The following NALF1 variants were observed in gnomAD, a reference collection of about 807,000 sequenced individuals.
NALF1 encodes family with sequence similarity 155 member A.
In NALF1, 3 loss-of-function variants were observed where a neutral mutation model predicts 48.4. The ratio of observed to expected loss-of-function variants is 0.06; its 90% CI spans 0.03 to 0.16. The LOEUF (loss-of-function observed/expected upper bound fraction) is 0.16, where lower values mean the gene tolerates loss of function less well. NALF1 is among the 10% of genes least tolerant of loss of function. The probability of loss-of-function intolerance (pLI) is 1.00; values close to 1 mark genes in which losing one functional copy is unlikely to be tolerated. For missense variants in NALF1, 526 were observed against 571.5 expected (o/e 0.92, Z 0.81); for synonymous variants, 262 against 245.7 (o/e 1.07, Z -0.62).
Position 107,282,695 on chromosome 13 carries a change from G to A in NALF1, c.916-71940C>T, listed in dbSNP as rs72666547. On this transcript the variant is annotated intron_variant, in intron 1 of 2. Coordinates refer to ENST00000375915, the MANE Select transcript of NALF1 (RefSeq NM_001080396.3). Reference sequence around the variant, plus strand: ...GGAGGCCCCTGTGATGAGGTCCTGCGGCCTCTTGCCAACAGCCAGCACTAA... The same window carrying A: ...GGAGGCCCCTGTGATGAGGTCCTGCAGCCTCTTGCCAACAGCCAGCACTAA... 7.5e-3 allele frequency among the ~76,000 whole-genome samples: 1,136 copies of A among 152,250 alleles called. 4 individuals are homozygous for A. Among genetic ancestry groups the A allele is most frequent in the Non-Finnish European group, 0.011 (765 of 68,026 alleles).
At chr13:107,292,992 C>CTTTTTCTTTTTTTTTTTTTTTTT (rs745529749) in intron 1 of NALF1, among the ~76,000 whole-genome samples, 5 of 110,674 alleles carry the variant, frequency 4.5e-5, no homozygotes, top group South Asian at 3.1e-4. Flanking sequence ...TTTTCTTTTT[C>CTTTTTCTTTTTTTTTTTTTTTTT]TTTTTTTTTT....
intron 1 of NALF1, among the ~76,000 whole-genome samples, chr13:107,298,351 CAAAAAAAAA>C (rs1192707023): frequency 1.1e-3 from 19 of 16,622 alleles, no homozygotes; most frequent in East Asian, 3.5e-3. Flanking sequence ...GACTCCATCT[CAAAAAAAAA>C]AAAAAAAAAA....
intron 1 of NALF1, among the ~76,000 whole-genome samples, chr13:107,451,098 A>T (rs957991670): frequency 7.9e-5 from 12 of 152,208 alleles, no homozygotes; most frequent in Admixed American, 6.5e-5. Flanking sequence ...ACTGTGCTCC[A>T]CTGAGTCGAC....
intron 1 of NALF1, among the ~76,000 whole-genome samples, chr13:107,212,110 C>T (rs538435450): frequency 6.6e-6 from 1 of 152,214 alleles, no homozygotes; most frequent in Non-Finnish European, 1.5e-5. Context: ...ATCAGCATGG[C>T]CTTCCATGCC....
At chr13:107,478,109 G>A (rs1452089906) in intron 1 of NALF1, among the ~76,000 whole-genome samples, 1 of 152,104 alleles carries the variant, frequency 6.6e-6, no homozygotes, top group Non-Finnish European at 1.5e-5. Flanking sequence ...GGTTTAGTCT[G>A]TCTAACTCTT....
rs753221514 is a variant in NALF1, at chr13:107,865,733, T to C, written c.864A>G (p.Lys288=). The change falls in exon 1 of 3, where the codon AAA becomes AAG. Residue 288 remains lysine, a synonymous_variant. Transcript: ENST00000375915. The stretch of plus-strand genomic sequence containing the variant: ...CCGAGTACTCCTCCGACTGTAAATA[T>C]TTGTGGAGCACGCTTTCAAACTCTT... ...KYEEFESVLH[K]YLQSEEYSVK... 9 of 1,614,014 alleles carry C rather than the reference T, an allele frequency of 5.6e-6. No homozygotes were observed. In the South Asian group the frequency reaches 9.9e-5, roughly 18 times the overall value.
intron 1 of NALF1, among the ~76,000 whole-genome samples, chr13:107,767,534 AC>A (rs1877449153): frequency 6.6e-6 from 1 of 152,224 alleles, no homozygotes; most frequent in Non-Finnish European, 1.5e-5. Flanking sequence ...AAATTAGAAG[AC>A]GACTGTATAC....
chr13:107,306,585 C>T (rs934122382), intron 1 of NALF1, among the ~76,000 whole-genome samples: 41 of 152,146 alleles, frequency 2.7e-4, no homozygotes, highest in African/African-American at 9.9e-4. Context: ...AAATGAACGA[C>T]ATTTTATTTT....
chr13:107,233,733 G>C (rs977030538), intron 1 of NALF1, among the ~76,000 whole-genome samples: 4 of 152,278 alleles, frequency 2.6e-5, no homozygotes, highest in African/African-American at 9.6e-5. Flanking sequence ...AATCAATACT[G>C]TACTAGCTAA....
intron 1 of NALF1, among the ~76,000 whole-genome samples, chr13:107,818,189 G>A (rs9559165): frequency 0.14 from 21,251 of 152,172 alleles, 2,064 homozygotes; most frequent in African/African-American, 0.26. Flanking sequence ...GGAACATCTT[G>A]AGGAGAGGTA....
chr13:107,370,875 G>C (rs974766826), intron 1 of NALF1, among the ~76,000 whole-genome samples: 2 of 152,116 alleles, frequency 1.3e-5, no homozygotes, highest in Admixed American at 6.6e-5. Context: ...GTGAAGTGGT[G>C]GGGGAAGCCC....
At chr13:107,560,151 G>A (rs148057172) in intron 1 of NALF1, among the ~76,000 whole-genome samples, 6 of 152,282 alleles carry the variant, frequency 3.9e-5, no homozygotes, top group Admixed American at 6.5e-5. Flanking sequence ...TGAAACGCCC[G>A]TAGAATTTTC....
At chr13:107,471,839 G>A (rs1418177243) in intron 1 of NALF1, among the ~76,000 whole-genome samples, 2 of 152,132 alleles carry the variant, frequency 1.3e-5, no homozygotes, top group Non-Finnish European at 2.9e-5. Flanking sequence ...TATGCATTAT[G>A]ACATCTCATC....
At chr13:107,425,725 A>T (rs1241570543) in intron 1 of NALF1, among the ~76,000 whole-genome samples, 1 of 152,106 alleles carries the variant, frequency 6.6e-6, no homozygotes, top group Non-Finnish European at 1.5e-5. Flanking sequence ...ATGATGTTGA[A>T]TATCTGGGTA....
rs1402808565 is a variant in NALF1 at position 107,167,025 on chromosome 13, A to C, written c.*3472T>G. 1.3e-5 allele frequency: 2 copies of C among 152,198 alleles called. No homozygotes were observed. The highest frequency in any genetic ancestry group is 2.9e-5 in the Non-Finnish European group (2 of 68,042). 9.4% of individuals were successfully genotyped at this position (152,198 alleles called of 1,614,324 possible). A position where few individuals can be genotyped will look rare whatever the true frequency, so the allele number is the denominator to read the frequency against. ...TCAATATAACGTATCACCAAATGTA[A>C]ATGCAATAAAGAATGACATTGAACT... On this transcript the variant is annotated 3_prime_UTR_variant, in exon 3 of 3. Coordinates refer to ENST00000375915, the MANE Select transcript of NALF1 (RefSeq NM_001080396.3).
intron 1 of NALF1, among the ~76,000 whole-genome samples, chr13:107,296,890 C>A (rs1007504649): frequency 1.3e-5 from 2 of 152,056 alleles, no homozygotes; most frequent in African/African-American, 4.8e-5. Flanking sequence ...AAGGCAGAAT[C>A]AACTACACAG....
intron 1 of NALF1, among the ~76,000 whole-genome samples, chr13:107,349,803 T>C (rs1218738670): frequency 7.9e-5 from 12 of 151,562 alleles, no homozygotes; most frequent in Admixed American, 6.6e-4. Flanking sequence ...TAGCCATAAG[T>C]AGACCCTCTG....
intron 1 of NALF1, among the ~76,000 whole-genome samples, chr13:107,655,581 C>T (rs1274692649): frequency 1.3e-5 from 2 of 152,050 alleles, no homozygotes; most frequent in Non-Finnish European, 2.9e-5. Flanking sequence ...AATGACCATA[C>T]TGCCAAAAGA....
At chr13:107,351,863 G>A (rs940391942) in intron 1 of NALF1, among the ~76,000 whole-genome samples, 7 of 152,294 alleles carry the variant, frequency 4.6e-5, no homozygotes, top group African/African-American at 1.7e-4. Flanking sequence ...CCTGCGGGCT[G>A]GCCATCCTGA....
Sources: gnomAD v4.1 joint callset for allele counts (sites outside exome capture counted in the v4.1 genomes callset) on GRCh38, gnomAD v4.1.1 for gene constraint, MANE v1.5 for transcripts, NCBI Gene and HGNC (gene_info 2026-07-23, HGNC 2026-07-21) for gene names.